GTSE1: variants seen among roughly 807,000 people sequenced by gnomAD.
The protein encoded by GTSE1 is G2 and S-phase expressed 1.
A neutral mutation model predicts 60.5 loss-of-function variants in GTSE1; 52 were observed. That is an observed-to-expected ratio of 0.86 (90% CI 0.69 to 1.08). The LOEUF (loss-of-function observed/expected upper bound fraction) is 1.08. Among genes scored for constraint, GTSE1 ranks in the 50% least tolerant of loss-of-function variants. The pLI is 0.00. For synonymous variants in GTSE1, 368 were observed against 386.5 expected, an observed-to-expected ratio of 0.95 and a Z score of 0.56; for missense variants, 937 against 961.8, an observed-to-expected ratio of 0.97 and a Z score of 0.34.
In GTSE1 at chr22:46,322,005, C is replaced by T. The variant is rs559962833; in HGVS notation, c.1433-1185C>T. On this transcript the variant is annotated intron_variant, in intron 7 of 11. Transcript: ENST00000454366. ...AAAAGAATCACTTGAACCCAGGAGG[C>T]GGAGGTTGCGGTAAGCCGAGATCAT... is the stretch of plus-strand genomic sequence containing the variant. 1.7e-4 allele frequency among the ~76,000 whole-genome samples: 23 copies of T among 134,552 alleles called. 1 individual carries two copies. The South Asian group carries it at 4.4e-3, about 26-fold the overall frequency. The allele number at this position is 134,552 out of a possible 152,430, so 88.3% of individuals were successfully genotyped here.
In GTSE1 at chr22:46,320,459, A is replaced by G. The variant is rs905711073; in HGVS notation, c.1433-2731A>G. ...AGCAGCCACGCTGTTGGGAACACAC[A>G]GCTCTGGGAGGCACGTGGTGGTGTG... On this transcript the variant is annotated intron_variant, in intron 7 of 11. Transcript: ENST00000454366. This position sits in a 1 kb window ranked among gnomAD's most constrained non-coding sequence, Gnocchi z 7.1. 5.3e-5 allele frequency among the ~76,000 whole-genome samples: 8 copies of G among 152,174 alleles called. No homozygotes were observed. The highest frequency in any genetic ancestry group is 1.0e-4 in the Non-Finnish European group (7 of 68,026).
At chr22:46,311,352 A>G (rs1342899639) in intron 4 of GTSE1, among the ~76,000 whole-genome samples, 1 of 152,202 alleles carries the variant, frequency 6.6e-6, no homozygotes, top group Non-Finnish European at 1.5e-5. Flanking sequence ...TGCTGGGATT[A>G]CAGGCGTGAG....
rs763940928 is a variant in GTSE1, at chr22:46,326,678, A to G, written c.1724+24A>G. ...AGGTAAGACACGAAGGTGGTAATAA[A>G]TTGGTCTCAAATTCCTAGGCTTGCT... On this transcript the variant is annotated intron_variant, in intron 9 of 11. Coordinates refer to ENST00000454366, the MANE Select transcript of GTSE1 (RefSeq NM_016426.7). The G allele has an allele frequency of 2.1e-5, 33 of 1,536,402 alleles. No individual in the cohort carries two copies. In the South Asian group the frequency reaches 3.9e-4, roughly 18 times the overall value.
At position 46,314,132 on chromosome 22, in the gene GTSE1, G is replaced by T. The variant is rs2077765273; in HGVS notation, c.1051+119G>T. On this transcript the variant is annotated intron_variant, in intron 6 of 11. Transcript: ENST00000454366. The surrounding 1 kb of genome is among the most constrained non-coding windows in gnomAD (Gnocchi z 7.1). ...TAGGCTTGGCAGGACGTCCCGGAGG[G>T]CGTGCTGTGTGCGGTGGACCAGGCT... The T allele has an allele frequency of 2.2e-5, 28 of 1,273,890 alleles. No individual in the cohort carries two copies. The South Asian group carries it at 3.6e-4, about 16-fold the overall frequency. 78.9% of individuals were successfully genotyped at this position (1,273,890 alleles called of 1,614,324 possible). A position where few individuals can be genotyped will look rare whatever the true frequency, so the allele number is the denominator to read the frequency against.
chr22:46,307,041 G>A (rs1569037880), intron 2 of GTSE1, among the ~76,000 whole-genome samples: 1 of 152,138 alleles, frequency 6.6e-6, no homozygotes, highest in South Asian at 2.1e-4. Context: ...CAGGCACTGC[G>A]GGAGCCTTGC....
intron 2 of GTSE1, among the ~76,000 whole-genome samples, chr22:46,299,651 C>T (rs1305550345): frequency 2.0e-5 from 3 of 152,204 alleles, no homozygotes; most frequent in East Asian, 3.8e-4. Context: ...GCTGTCTCAC[C>T]GGCTTCTACT....
At chr22:46,312,085 T>A in intron 4 of GTSE1, 56 bp from the exon 5 acceptor site, 1 of 1,437,186 alleles carries the variant, frequency 7.0e-7, no homozygotes, top group Non-Finnish European at 9.6e-7. Context: ...AGCCTGAGTA[T>A]CTCTGTACAT....
intron 2 of GTSE1, among the ~76,000 whole-genome samples, 155 bp from the exon 3 acceptor site, chr22:46,307,995 C>T (rs1428117241): frequency 6.6e-6 from 1 of 151,980 alleles, no homozygotes; most frequent in African/African-American, 2.4e-5. Flanking sequence ...TAACTTAGAG[C>T]CCCCTATGAA....
At position 46,313,571 on chromosome 22, in the gene GTSE1, C is replaced by T. The variant is rs1447391008; in HGVS notation, c.928-319C>T. ...TCGCCCAGGCTGGAGTGCAATGGCACGAGCTCAGCTCACTACAACCTCCAC... is the reference window on the plus strand; with the variant it reads ...TCGCCCAGGCTGGAGTGCAATGGCATGAGCTCAGCTCACTACAACCTCCAC... On this transcript the variant is annotated intron_variant, in intron 5 of 11. Coordinates refer to ENST00000454366, the MANE Select transcript of GTSE1 (RefSeq NM_016426.7). The surrounding 1 kb of genome is among the most constrained non-coding windows in gnomAD (Gnocchi z 4.4). Among the ~76,000 whole-genome samples the T allele has an allele frequency of 4.6e-5, 7 of 152,316 alleles. No individual in the cohort carries two copies. The highest frequency in any genetic ancestry group is 1.9e-4 in the East Asian group (1 of 5,180).
In GTSE1 at chr22:46,320,308, G is replaced by A. The variant is rs140647551; in HGVS notation, c.1433-2882G>A. ...CCTCTCAGATGTGCATTTCACCTTC[G>A]GCAGGCGGTTCCTCCTCTCTCCACA... On this transcript the variant is annotated intron_variant, in intron 7 of 11. Coordinates refer to ENST00000454366, the MANE Select transcript of GTSE1 (RefSeq NM_016426.7). This position sits in a 1 kb window ranked among gnomAD's most constrained non-coding sequence, Gnocchi z 7.1. Among the ~76,000 whole-genome samples, 3 of 152,138 alleles carry A rather than the reference G, an allele frequency of 2.0e-5. No individual in the cohort carries two copies. The highest frequency in any genetic ancestry group is 2.1e-4 in the South Asian group (1 of 4,834).
intron 2 of GTSE1, among the ~76,000 whole-genome samples, chr22:46,305,137 A>G (rs1213642552): frequency 6.6e-6 from 1 of 152,140 alleles, no homozygotes; most frequent in Non-Finnish European, 1.5e-5. Context: ...TGTAAATAGT[A>G]TTGGAATTAT....
Position 46,310,858 on chromosome 22 carries a change from A to G in GTSE1, c.763-1283A>G, listed in dbSNP as rs933510139. ...GGCAGGAGAATCGCCTGAACCCAGG[A>G]GGTGGAGGTTGCAGTGAGCCAAGAT... On this transcript the variant is annotated intron_variant, in intron 4 of 11. Coordinates refer to ENST00000454366, the MANE Select transcript of GTSE1 (RefSeq NM_016426.7). The surrounding 1 kb of genome is among the most constrained non-coding windows in gnomAD (Gnocchi z 4.4). 6.6e-6 allele frequency among the ~76,000 whole-genome samples: 1 copy of G among 152,154 alleles called. No homozygotes were observed. The highest frequency in any genetic ancestry group is 2.4e-5 in the African/African-American group (1 of 41,438).
intron 9 of GTSE1, 131 bp from the exon 10 acceptor site, chr22:46,328,557 G>T: frequency 1.5e-6 from 1 of 650,700 alleles, no homozygotes; most frequent in Non-Finnish European, 2.7e-6. Flanking sequence ...GGGGTCTGGA[G>T]GGTGAAGGCC....
chr22:46,298,350 C>A (rs1374116207), intron 2 of GTSE1, among the ~76,000 whole-genome samples: 1 of 151,974 alleles, frequency 6.6e-6, no homozygotes, highest in East Asian at 1.9e-4. Flanking sequence ...CTCTGTCTCC[C>A]AGGCTGGAGT....
rs773641351 is a variant in GTSE1 at position 46,329,367 on chromosome 22, G to A, written c.1936G>A (p.Val646Ile). 84 of 1,613,660 alleles carry A rather than the reference G, an allele frequency of 5.2e-5. No homozygotes were observed. The highest frequency in any genetic ancestry group is 1.6e-4 in the Middle Eastern group (1 of 6,062). ...GDAAPSEALLVDIKLEPLAVT... is the reference protein window; with the variant it reads ...GDAAPSEALLIDIKLEPLAVT... ...TTGGTTTTGTACCCAGGCTCTTCTT[G>A]TAGATATCAAACTGGAACCACTCGC... The change falls in exon 11 of 12, where the codon GTA (valine) becomes ATA (isoleucine). Residue 646 changes from valine (V) to isoleucine (I), a missense_variant. Coordinates refer to ENST00000454366, the MANE Select transcript of GTSE1 (RefSeq NM_016426.7). The surrounding 1 kb of genome is among the most constrained non-coding windows in gnomAD (Gnocchi z 6.4).
chr22:46,308,646 G>C lies in GTSE1; in HGVS notation c.465G>C (p.Lys155Asn), dbSNP rs1370753756. The C allele has an allele frequency of 3.1e-6, 5 of 1,613,982 alleles. No homozygotes were observed. The highest frequency in any genetic ancestry group is 1.7e-4 in the Middle Eastern group (1 of 6,060). ...TCTTTGAGAAAGAAAAGGAAATGAA[G>C]AAAAGCCCCACGTCTCTTAAAAGGG... ...INLFEKEKEM[K>N]KSPTSLKRET... is the part of the protein sequence containing the mutation. The change falls in exon 4 of 12, where the codon AAG becomes AAC. Residue 155 changes from lysine (K) to asparagine (N), a missense_variant. Transcript: ENST00000454366.
At chr22:46,325,396 C>T (rs1448665872) in intron 8 of GTSE1, among the ~76,000 whole-genome samples, 1 of 152,108 alleles carries the variant, frequency 6.6e-6, no homozygotes, top group East Asian at 1.9e-4. Context: ...TGGGGTTTCA[C>T]CGTGTTAGCC....
At position 46,318,796 on chromosome 22, in the gene GTSE1, C is replaced by T. The variant is rs1016980676; in HGVS notation, c.1432+2384C>T. Reference sequence around the variant, plus strand: ...GCGGTCGGGATTCTGCGTAGACGTGCGACAGCTGGTCAGTACTCCTTGGTG... The same window carrying T: ...GCGGTCGGGATTCTGCGTAGACGTGTGACAGCTGGTCAGTACTCCTTGGTG... On this transcript the variant is annotated intron_variant, in intron 7 of 11. Transcript: ENST00000454366. The surrounding 1 kb of genome is among the most constrained non-coding windows in gnomAD (Gnocchi z 4.8). Among the ~76,000 whole-genome samples the T allele has an allele frequency of 6.6e-6, 1 of 152,112 alleles. No homozygotes were observed. The highest frequency in any genetic ancestry group is 1.5e-5 in the Non-Finnish European group (1 of 68,016).
At chr22:46,328,355 C>T (rs531611011) in intron 9 of GTSE1, among the ~76,000 whole-genome samples, 20 of 152,304 alleles carry the variant, frequency 1.3e-4, no homozygotes, top group Admixed American at 9.8e-4. Context: ...AGGAGCTGGC[C>T]GTGGCTCAAG....
Sources: gnomAD v4.1 joint callset for allele counts (sites outside exome capture counted in the v4.1 genomes callset) on GRCh38, gnomAD v4.1.1 for gene constraint, Gnocchi (gnomAD v3.1) non-coding constraint, MANE v1.5 for transcripts, NCBI Gene and HGNC (gene_info 2026-07-23, HGNC 2026-07-21) for gene names.